The following RGS7 variants were observed in gnomAD, a reference collection of about 807,000 sequenced individuals.
RGS7 encodes regulator of G protein signaling 7.
RGS7 carries 27 observed loss-of-function variants against 81.1 expected under a neutral mutation model. That is an observed-to-expected ratio of 0.33 (90% CI 0.25 to 0.46). The LOEUF (loss-of-function observed/expected upper bound fraction) is 0.46. RGS7 is among the 20% of genes least tolerant of loss of function. The pLI, the probability that RGS7 is intolerant of heterozygous loss-of-function variation, is 1.00. For missense variants in RGS7, 396 were observed against 607.4 expected (o/e 0.65, Z 3.66); for synonymous variants, 208 against 207.7 (o/e 1.00, Z -0.01).
intron 2 of RGS7, among the ~76,000 whole-genome samples, chr1:241,242,838 T>C (rs563536640): frequency 6.6e-6 from 1 of 152,326 alleles, no homozygotes; most frequent in South Asian, 2.1e-4. Context: ...TGTTTGTTTT[T>C]TCTTCCTGAT....
At chr1:241,121,678 A>G (rs1352607137) in intron 2 of RGS7, among the ~76,000 whole-genome samples, 1 of 138,784 alleles carries the variant, frequency 7.2e-6, no homozygotes, top group Non-Finnish European at 1.6e-5. Flanking sequence ...GTTTATATAT[A>G]TGCTAGTCTA....
At chr1:241,200,122 A>C (rs2073388317) in intron 2 of RGS7, among the ~76,000 whole-genome samples, 1 of 152,210 alleles carries the variant, frequency 6.6e-6, no homozygotes, top group South Asian at 2.1e-4. Context: ...CGACCACTGA[A>C]GTTAATCTCA....
At chr1:240,923,361 G>A (rs1334449959) in intron 6 of RGS7, among the ~76,000 whole-genome samples, 10 of 152,010 alleles carry the variant, frequency 6.6e-5, no homozygotes, top group Non-Finnish European at 1.3e-4. Flanking sequence ...CTCATTAATT[G>A]TAACAAACAT....
At position 241,259,002 on chromosome 1, in the gene RGS7, T is replaced by C. The variant is rs374667315; in HGVS notation, c.78+96697A>G. On this transcript the variant is annotated intron_variant, in intron 2 of 18. Coordinates refer to ENST00000440928, the MANE Select transcript of RGS7 (RefSeq NM_001364886.1). ...GGGCCATACTTCACAAGCAGGAAAA[T>C]TGTAGAGAGATACAGGTATGCGCCC... Among the ~76,000 whole-genome samples the C allele has an allele frequency of 1.9e-4, 29 of 151,984 alleles. 1 individual carries two copies. Among genetic ancestry groups the C allele is most frequent in the African/African-American group, 7.0e-4 (29 of 41,432 alleles).
At chr1:241,026,456 G>A (rs1438597487) in intron 3 of RGS7, among the ~76,000 whole-genome samples, 1 of 152,038 alleles carries the variant, frequency 6.6e-6, no homozygotes, top group Non-Finnish European at 1.5e-5. Context: ...AGACATGGTT[G>A]CACATGCCTG....
intron 3 of RGS7, among the ~76,000 whole-genome samples, chr1:241,084,841 T>C (rs1005662401): frequency 1.3e-5 from 2 of 152,226 alleles, no homozygotes; most frequent in African/African-American, 4.8e-5. Flanking sequence ...TGAAAAGAAC[T>C]CCCTATTAAT....
At chr1:241,321,756 C>T (rs945513613) in intron 2 of RGS7, among the ~76,000 whole-genome samples, 3 of 152,082 alleles carry the variant, frequency 2.0e-5, no homozygotes, top group Admixed American at 6.6e-5. Flanking sequence ...CTATTATATA[C>T]ATAGTAGCCA....
At chr1:240,894,558 G>A (rs987647633) in intron 6 of RGS7, among the ~76,000 whole-genome samples, 1 of 150,032 alleles carries the variant, frequency 6.7e-6, no homozygotes, top group African/African-American at 2.5e-5. Context: ...TAATTATAAC[G>A]ACCATATTTA....
chr1:241,215,431 G>A (rs576011332), intron 2 of RGS7, among the ~76,000 whole-genome samples: 1 of 152,350 alleles, frequency 6.6e-6, no homozygotes. Flanking sequence ...CCTTCTGACT[G>A]TTGGTTTCCT....
chr1:240,798,384 T>C (rs4292945), intron 18 of RGS7, among the ~76,000 whole-genome samples: 114,207 of 152,082 alleles, frequency 0.75, 43,183 homozygotes, highest in Non-Finnish European at 0.78. Context: ...TTTCTAACCT[T>C]GGTTATAAAA....
rs746558865 is a variant in RGS7 at position 241,098,755 on chromosome 1, T to C, written c.86A>G (p.Asp29Gly). 1 of 1,608,180 alleles carries C rather than the reference T, an allele frequency of 6.2e-7. No individual in the cohort carries two copies. Among genetic ancestry groups the C allele is most frequent in the South Asian group, 1.1e-5 (1 of 90,972 alleles). ...TTCATCTTGCATCCGTGCTATGACG[T>C]CTTCCATCTAAACAATAATAACATA... ...PNMLVYRKME[D>G]VIARMQDEKN... Residue 29 changes from aspartate (D) to glycine (G), a missense_variant, in exon 3 of 19, where the codon GAC (aspartate) becomes GGC (glycine). Coordinates refer to ENST00000440928, the MANE Select transcript of RGS7 (RefSeq NM_001364886.1).
chr1:240,828,798 A>G (rs1284649139), intron 9 of RGS7, among the ~76,000 whole-genome samples: 1 of 152,146 alleles, frequency 6.6e-6, no homozygotes, highest in Non-Finnish European at 1.5e-5. Flanking sequence ...AAAACAGACA[A>G]ACAAACAAAC....
At chr1:240,863,429 C>T (rs953264636) in intron 9 of RGS7, among the ~76,000 whole-genome samples, 8 of 152,030 alleles carry the variant, frequency 5.3e-5, no homozygotes, top group African/African-American at 1.2e-4. Flanking sequence ...GAGGTAAGAT[C>T]GCACCACTGC....
intron 3 of RGS7, among the ~76,000 whole-genome samples, chr1:241,067,735 G>A (rs935729400): frequency 5.9e-5 from 9 of 151,892 alleles, no homozygotes; most frequent in Non-Finnish European, 1.2e-4. Flanking sequence ...GGCTGGTCTC[G>A]AACTCCTGAC....
At chr1:240,792,626 C>G (rs976696915) in intron 18 of RGS7, among the ~76,000 whole-genome samples, 22 of 152,172 alleles carry the variant, frequency 1.4e-4, no homozygotes, top group Non-Finnish European at 2.9e-4. Context: ...AACTCTTCCT[C>G]TCCCTGCCTA....
Position 240,881,154 on chromosome 1 carries a change from G to A in RGS7, c.386-11035C>T, listed in dbSNP as rs184003125. The stretch of plus-strand genomic sequence containing the variant: ...GTTCTTTAAAAACAGCATTTTCATG[G>A]AATATGATGCAGCCATAAAAAAGGA... On this transcript the variant is annotated intron_variant, in intron 6 of 18. Transcript: ENST00000440928. Among the ~76,000 whole-genome samples the A allele has an allele frequency of 2.6e-3, 400 of 152,180 alleles. 1 individual carries two copies. The highest frequency in any genetic ancestry group is 4.7e-3 in the Non-Finnish European group (323 of 68,026).
intron 9 of RGS7, among the ~76,000 whole-genome samples, chr1:240,854,767 A>C (rs536063398): frequency 2.6e-5 from 4 of 152,186 alleles, no homozygotes; most frequent in Non-Finnish European, 4.4e-5. Context: ...CCTTAAGCTT[A>C]ATTTTTCATG....
intron 6 of RGS7, 99 bp from the exon 7 acceptor site, chr1:240,870,218 C>A: frequency 1.0e-6 from 1 of 1,004,520 alleles, no homozygotes; most frequent in Non-Finnish European, 1.6e-6. Flanking sequence ...ACTTTTTTCC[C>A]AAGTTGTAAT....
intron 3 of RGS7, among the ~76,000 whole-genome samples, chr1:241,025,235 A>C (rs879842865): frequency 6.6e-6 from 1 of 152,242 alleles, no homozygotes; most frequent in Non-Finnish European, 1.5e-5. Context: ...AGGACAGGTC[A>C]GTGGTTAGCA....
Sources: allele counts gnomAD v4.1 joint callset (sites outside exome capture counted in the v4.1 genomes callset), GRCh38; gene constraint gnomAD v4.1.1; transcripts MANE v1.5; gene names NCBI Gene and HGNC (gene_info 2026-07-23, HGNC 2026-07-21).